The following CORO7 variants were observed in gnomAD, a reference collection of about 807,000 sequenced individuals.
CORO7 encodes coronin-7.
CORO7 carries 107 observed loss-of-function variants against 126.6 expected under a neutral mutation model. That is an observed-to-expected ratio of 0.85 (90% confidence interval 0.72 to 0.99). The LOEUF (loss-of-function observed/expected upper bound fraction) is 0.99, where lower values mean the gene tolerates loss of function less well. CORO7 is among the 50% of genes least tolerant of loss of function. The pLI, the probability that CORO7 is intolerant of heterozygous loss-of-function variation, is 0.00. For missense variants in CORO7, 1,314 were observed against 1,255.8 expected (o/e 1.05, Z -0.70); for synonymous variants, 603 against 536.8 (o/e 1.12, Z -1.70).
rs752926019 is a variant in CORO7, at chr16:4,358,478, G to A, written c.2346C>T (p.Leu782=). The change falls in exon 24 of 28, where the codon CTC becomes CTT. Residue 782 remains leucine (L), a synonymous_variant. Coordinates refer to ENST00000251166, the MANE Select transcript of CORO7 (RefSeq NM_024535.5). ...CGCACTCCGTCTTAGGCAGGAGGAC[G>A]AGGCCCTGGGGGAGCAAGGGAGTCG... The part of the protein sequence containing the change: ...SFTSPDPHKG[L]VLLPKTECDV... 4.0e-5 allele frequency: 64 copies of A among 1,595,118 alleles called. No individual in the cohort carries two copies. The highest frequency in any genetic ancestry group is 5.2e-5 in the Non-Finnish European group (61 of 1,168,476).
chr16:4,364,919 C>T lies in CORO7; in HGVS notation c.900G>A (p.Val300=), dbSNP rs1266921414. 2 of 1,609,954 alleles carry T rather than the reference C, an allele frequency of 1.2e-6. No homozygotes were observed. The highest frequency in any genetic ancestry group is 2.2e-5 in the East Asian group (1 of 44,754). The change falls in exon 12 of 28, where the codon GTG becomes GTA. Residue 300 remains valine (V), a splice_region_variant and synonymous_variant. Coordinates refer to ENST00000251166, the MANE Select transcript of CORO7 (RefSeq NM_024535.5). ...GCACGCTCTCCAGGACACACTGGGT[C>T]ACTGTTGAGGACACCATAGGGGAAC... is the stretch of plus-strand genomic sequence containing the variant. ...VVPQQPALSP[V]TQCVLESVLR...
In CORO7 at chr16:4,362,083, T is replaced by A. The variant is rs964020325; in HGVS notation, c.1480A>T (p.Asn494Tyr). The A allele has an allele frequency of 2.5e-6, 4 of 1,612,652 alleles. No homozygotes were observed. In the African/African-American group the frequency reaches 5.4e-5, roughly 22 times the overall value. ...DSHITNLKGL[N>Y]LTTPGESDGF... is the part of the protein sequence containing the mutation. ...TCACTCTCACCAGGTGTGGTGAGGT[T>A]GAGCCCCTTGAGGTTGGTGATGTGG... Residue 494 changes from asparagine (N) to tyrosine (Y), a missense_variant, in exon 16 of 28, where the codon AAC (asparagine) becomes TAC (tyrosine). Coordinates refer to ENST00000251166, the MANE Select transcript of CORO7 (RefSeq NM_024535.5). This position sits in a 1 kb window ranked among gnomAD's most constrained non-coding sequence, Gnocchi z 5.3.
At chr16:4,412,832 A>G (rs950610200) in intron 2 of CORO7, 1 of 247,668 alleles carries the variant, frequency 4.0e-6, no homozygotes, top group African/African-American at 2.2e-5. Context: ...GCCTTTGGGC[A>G]CCGATCTGCC....
At chr16:4,416,094 C>T (rs1009145532) in intron 1 of CORO7, among the ~76,000 whole-genome samples, 13 of 152,112 alleles carry the variant, frequency 8.5e-5, no homozygotes, top group African/African-American at 3.1e-4. Flanking sequence ...CAGGCGCCGG[C>T]AGCGCCCCGA....
chr16:4,355,171 G>A lies in CORO7; in HGVS notation c.2773-8C>T, dbSNP rs376748868. 186 of 1,541,238 alleles carry A rather than the reference G, an allele frequency of 1.2e-4. 1 individual carries two copies. Among genetic ancestry groups the A allele is most frequent in the African/African-American group, 9.1e-4 (67 of 73,790 alleles). ...CGGGGGCGCAGGCTAGTCCTGGGGC[G>A]AAACACCAAGAGGTGGGAGGGAGTC... On this transcript the variant is annotated splice_region_variant and splice_polypyrimidine_tract_variant and intron_variant, in intron 27 of 27. Coordinates refer to ENST00000251166, the MANE Select transcript of CORO7 (RefSeq NM_024535.5).
At chr16:4,381,967 G>A (rs370403139) in intron 9 of CORO7, 17 of 1,608,192 alleles carry the variant, frequency 1.1e-5, no homozygotes, top group Admixed American at 6.7e-5. Flanking sequence ...CACGAGGCCC[G>A]TGGTGCGGGA....
chr16:4,365,369 T>A, intron 10 of CORO7, 122 bp downstream of exon 10: 1 of 1,410,396 alleles, frequency 7.1e-7, no homozygotes, highest in Middle Eastern at 1.8e-4. Context: ...AGAGCTACAG[T>A]CACCTTGGCT....
chr16:4,407,770 T>C, intron 4 of CORO7, 86 bp from the exon 5 acceptor site: 1 of 1,445,774 alleles, frequency 6.9e-7, no homozygotes, highest in Non-Finnish European at 9.2e-7. Flanking sequence ...AGGTCCCGTG[T>C]TGGAACTAGG....
rs954498409 is a variant in CORO7 at position 4,401,623 on chromosome 16, G to C, written c.564+3868C>G. On this transcript the variant is annotated intron_variant, in intron 6 of 27. Coordinates refer to ENST00000251166, the MANE Select transcript of CORO7 (RefSeq NM_024535.5). ...AACAGCGAGGGACAGCAAGGGATGA[G>C]AGAGGACAGAGTGGGACAGAAACAG... Among the ~76,000 whole-genome samples the C allele has an allele frequency of 4.6e-5, 7 of 152,240 alleles. No homozygotes were observed. The East Asian group carries it at 1.2e-3, about 25-fold the overall frequency.
intron 9 of CORO7, among the ~76,000 whole-genome samples, chr16:4,387,020 G>C (rs1013328754): frequency 3.3e-5 from 5 of 152,222 alleles, no homozygotes; most frequent in Admixed American, 2.0e-4. Flanking sequence ...GAATGAATAA[G>C]CTTGCCAAGT....
intron 6 of CORO7, among the ~76,000 whole-genome samples, chr16:4,395,587 T>C (rs527370779): frequency 6.4e-4 from 98 of 152,136 alleles, no homozygotes; most frequent in African/African-American, 2.0e-3. Context: ...CAGTGAGGAG[T>C]GTTCAGCTTC....
intron 9 of CORO7, among the ~76,000 whole-genome samples, chr16:4,371,490 TCCTGCCTCTC>T (rs1161507132): frequency 5.9e-5 from 9 of 152,328 alleles, no homozygotes; most frequent in South Asian, 2.1e-4. Context: ...ACTCCCGCCA[TCCTGCCTCTC>T]CAGGGCCGCA....
intron 5 of CORO7, among the ~76,000 whole-genome samples, chr16:4,406,151 C>A (rs2055989424): frequency 6.6e-6 from 1 of 152,196 alleles, no homozygotes; most frequent in Non-Finnish European, 1.5e-5. Context: ...AGGCACCTGC[C>A]ACCATGCCCA....
intron 9 of CORO7, among the ~76,000 whole-genome samples, chr16:4,379,135 C>A (rs1305220935): frequency 6.6e-6 from 1 of 151,824 alleles, no homozygotes. Flanking sequence ...CAGCCTGGGG[C>A]GGAGTGCAGG....
chr16:4,408,029 G>T, intron 4 of CORO7, 152 bp downstream of exon 4: 2 of 1,226,476 alleles, frequency 1.6e-6, no homozygotes, highest in Non-Finnish European at 2.3e-6. Context: ...GCCAGTGTGG[G>T]ACCAGGAATT....
At chr16:4,401,497 G>T (rs1400128879) in intron 6 of CORO7, among the ~76,000 whole-genome samples, 1 of 152,196 alleles carries the variant, frequency 6.6e-6, no homozygotes. Flanking sequence ...ACAGTCCAGG[G>T]ACTGGCTCTT....
At chr16:4,398,662 T>A (rs1033740711) in intron 6 of CORO7, among the ~76,000 whole-genome samples, 2 of 139,824 alleles carry the variant, frequency 1.4e-5, no homozygotes. Flanking sequence ...CAAGACTCCA[T>A]CTGAAAAAAA....
chr16:4,387,150 C>CG (rs2055220198), intron 9 of CORO7, among the ~76,000 whole-genome samples: 1 of 152,178 alleles, frequency 6.6e-6, no homozygotes. Flanking sequence ...CTCTCCACCC[C>CG]GGCCCTGCCT....
In CORO7 at chr16:4,364,817, G is replaced by A. The variant is rs768891030; in HGVS notation, c.1002C>T (p.Ser334=). Reference sequence around the variant, plus strand: ...AGCCGATGGGCACGATGGCTGTGTCGCTCAGCTGTAGGACGCGGAGTACCT... The same window carrying A: ...AGCCGATGGGCACGATGGCTGTGTCACTCAGCTGTAGGACGCGGAGTACCT... The part of the protein sequence containing the change: ...SCEVLRVLQL[S]DTAIVPIGYH... Residue 334 remains serine (S), a synonymous_variant, in exon 12 of 28, where the codon AGC becomes AGT. Coordinates refer to ENST00000251166, the MANE Select transcript of CORO7 (RefSeq NM_024535.5). 4.3e-6 allele frequency: 7 copies of A among 1,611,770 alleles called. No individual in the cohort carries two copies. The highest frequency in any genetic ancestry group is 2.2e-5 in the South Asian group (2 of 90,984).
Sources: allele counts gnomAD v4.1 joint callset (sites outside exome capture counted in the v4.1 genomes callset), GRCh38; gene constraint gnomAD v4.1.1; non-coding constraint Gnocchi (gnomAD v3.1); transcripts MANE v1.5; gene names NCBI Gene and HGNC (gene_info 2026-07-23, HGNC 2026-07-21).